The following SBF2 variants were observed in gnomAD, a reference collection of about 807,000 sequenced individuals.
SBF2 encodes myotubularin-related protein 13.
SBF2 carries 112 observed loss-of-function variants against 225.2 expected under a neutral mutation model. That is an observed-to-expected ratio of 0.50 (90% confidence interval 0.43 to 0.58). The LOEUF is 0.58. SBF2 is among the 20% of genes least tolerant of loss of function. SBF2 has a pLI of 0.00. For missense variants in SBF2, 1,996 were observed against 2,206.2 expected, an observed-to-expected ratio of 0.90 and a Z score of 1.91; for synonymous variants, 763 against 773.3, an observed-to-expected ratio of 0.99 and a Z score of 0.22.
At chr11:10,007,375 C>T (rs11042587) in intron 6 of SBF2, among the ~76,000 whole-genome samples, 2,136 of 152,200 alleles carry the variant, frequency 0.014, 52 homozygotes, top group African/African-American at 0.048. Context: ...ACTCCAAAAC[C>T]CTAAAAAGGG....
At chr11:10,174,538 G>T (rs1025263695) in intron 2 of SBF2, among the ~76,000 whole-genome samples, 1 of 152,194 alleles carries the variant, frequency 6.6e-6, no homozygotes. Flanking sequence ...CGTCTGACTG[G>T]TGTACCTGAA....
At chr11:9,860,396 G>C (rs1442597776) in intron 17 of SBF2, among the ~76,000 whole-genome samples, 1 of 151,344 alleles carries the variant, frequency 6.6e-6, no homozygotes, top group African/African-American at 2.4e-5. Context: ...CCTAGTAGCT[G>C]TAGTAGCTGG....
chr11:9,790,043 G>A (rs360134), intron 34 of SBF2, among the ~76,000 whole-genome samples: 8,524 of 152,248 alleles, frequency 0.056, 646 homozygotes, highest in African/African-American at 0.17. Context: ...AAGTAATGGT[G>A]GAACTGCTTA....
intron 2 of SBF2, among the ~76,000 whole-genome samples, chr11:10,171,961 C>G (rs187898819): frequency 6.6e-6 from 1 of 152,210 alleles, no homozygotes; most frequent in East Asian, 1.9e-4. Flanking sequence ...ACTAATGGTC[C>G]TTTGAATATC....
chr11:9,862,039 G>T (rs1227370182), intron 17 of SBF2, among the ~76,000 whole-genome samples: 1 of 152,180 alleles, frequency 6.6e-6, no homozygotes, highest in Non-Finnish European at 1.5e-5. Context: ...ACACTTGGTG[G>T]CAAGACAGAC....
chr11:10,174,382 G>A (rs1293837162), intron 2 of SBF2, among the ~76,000 whole-genome samples: 5 of 152,234 alleles, frequency 3.3e-5, no homozygotes, highest in African/African-American at 9.6e-5. Context: ...CTCAGGAGCT[G>A]ACGCGATCAA....
intron 3 of SBF2, among the ~76,000 whole-genome samples, chr11:10,039,134 A>G (rs1387241387): frequency 6.6e-6 from 1 of 151,890 alleles, no homozygotes; most frequent in Non-Finnish European, 1.5e-5. Flanking sequence ...TGGATGGTGT[A>G]TGTCCCTAAG....
intron 1 of SBF2, among the ~76,000 whole-genome samples, chr11:10,244,906 G>C (rs547425392): frequency 1.6e-4 from 25 of 151,948 alleles, no homozygotes; most frequent in African/African-American, 4.3e-4. Flanking sequence ...GAGGCCAAGG[G>C]GGGTGGATCA....
chr11:9,837,703 A>G (rs1855819360), intron 26 of SBF2, among the ~76,000 whole-genome samples: 1 of 151,910 alleles, frequency 6.6e-6, no homozygotes. Flanking sequence ...CTACCTTTTT[A>G]TATACTTGTA....
intron 38 of SBF2, among the ~76,000 whole-genome samples, chr11:9,782,317 T>C (rs546100140): frequency 6.6e-6 from 1 of 151,988 alleles, no homozygotes; most frequent in East Asian, 1.9e-4. Context: ...ATGCTCAAAA[T>C]ATCTCAACAG....
chr11:10,034,114 C>T (rs1010581933), intron 3 of SBF2, among the ~76,000 whole-genome samples: 3 of 152,108 alleles, frequency 2.0e-5, no homozygotes, highest in African/African-American at 7.2e-5. Context: ...TAGTAGGTCT[C>T]ATTAAAGATA....
chr11:10,016,265 T>C (rs1037313058), intron 6 of SBF2, among the ~76,000 whole-genome samples: 4 of 152,122 alleles, frequency 2.6e-5, no homozygotes, highest in African/African-American at 7.2e-5. Context: ...TCAGTTGATA[T>C]TGTCAAGGGA....
At chr11:9,824,359 T>C (rs758368185) in intron 28 of SBF2, among the ~76,000 whole-genome samples, 9 of 151,858 alleles carry the variant, frequency 5.9e-5, no homozygotes, top group Non-Finnish European at 1.2e-4. Context: ...GAGATCGAGA[T>C]CATCCTGGCC....
intron 2 of SBF2, among the ~76,000 whole-genome samples, chr11:10,063,943 G>A (rs1950545517): frequency 6.6e-6 from 1 of 151,660 alleles, no homozygotes; most frequent in African/African-American, 2.4e-5. Flanking sequence ...ATAAGTAACA[G>A]GAATTAAGGC....
chr11:10,096,198 A>C (rs1952013294), intron 2 of SBF2, among the ~76,000 whole-genome samples: 1 of 152,116 alleles, frequency 6.6e-6, no homozygotes, highest in Admixed American at 6.6e-5. Context: ...AAACAAGATA[A>C]TTGTATTTTT....
intron 2 of SBF2, among the ~76,000 whole-genome samples, chr11:10,161,821 A>G (rs1489186858): frequency 6.6e-6 from 1 of 151,416 alleles, no homozygotes; most frequent in Non-Finnish European, 1.5e-5. Flanking sequence ...AAAAATAATA[A>G]TTAAAAAATA....
At chr11:9,852,848 G>T in intron 20 of SBF2, 99 bp from the exon 21 acceptor site, 2 of 943,454 alleles carry the variant, frequency 2.1e-6, no homozygotes, top group Non-Finnish European at 3.5e-6. Flanking sequence ...ACAGTTTACT[G>T]GTTCCTCAAA....
intron 2 of SBF2, among the ~76,000 whole-genome samples, chr11:10,053,068 A>G (rs1950118550): frequency 1.3e-5 from 2 of 152,146 alleles, no homozygotes; most frequent in African/African-American, 4.8e-5. Context: ...ATATATAGTT[A>G]TGAATCCTGT....
In SBF2 at chr11:10,176,615, T is replaced by A. The variant is rs529326915; in HGVS notation, c.141+17287A>T. ...GAAGAAATGGATAAATTCCTCGACA[T>A]ATACACCCTCCCAAGACTAAACCAG... On this transcript the variant is annotated intron_variant, in intron 2 of 39. Transcript: ENST00000256190. Among the ~76,000 whole-genome samples, 23 of 152,164 alleles carry A rather than the reference T, an allele frequency of 1.5e-4. No individual in the cohort carries two copies. The East Asian group carries it at 4.4e-3, about 29-fold the overall frequency.
Sources: allele counts gnomAD v4.1 joint callset (sites outside exome capture counted in the v4.1 genomes callset), GRCh38; gene constraint gnomAD v4.1.1; transcripts MANE v1.5; gene names NCBI Gene and HGNC (gene_info 2026-07-23, HGNC 2026-07-21).